The following CDH13 variants were observed in gnomAD, a reference collection of about 807,000 sequenced individuals.
CDH13 encodes cadherin-13.
CDH13 carries 24 observed loss-of-function variants against 63.8 expected under a neutral mutation model. The ratio of observed to expected loss-of-function variants is 0.38; its 90% CI spans 0.27 to 0.53. CDH13 has a LOEUF of 0.53. Among genes scored for constraint, CDH13 ranks in the 20% least tolerant of loss-of-function variants. The pLI, the probability that CDH13 is intolerant of heterozygous loss-of-function variation, is 0.85. For synonymous variants in CDH13, 503 were observed against 355.3 expected, an observed-to-expected ratio of 1.42 and a Z score of -4.67; for missense variants, 1,049 against 903.1, an observed-to-expected ratio of 1.16 and a Z score of -2.07.
At chr16:83,134,077 A>G (rs1475271615) in intron 4 of CDH13, among the ~76,000 whole-genome samples, 2 of 152,244 alleles carry the variant, frequency 1.3e-5, no homozygotes, top group African/African-American at 2.4e-5. Context: ...ATAGACCATT[A>G]TATGATCAGT....
At chr16:82,969,802 A>C (rs561687132) in intron 2 of CDH13, among the ~76,000 whole-genome samples, 2 of 152,152 alleles carry the variant, frequency 1.3e-5, no homozygotes, top group African/African-American at 4.8e-5. Context: ...CAGGTGAAGG[A>C]ATGGACTGCC....
intron 6 of CDH13, among the ~76,000 whole-genome samples, chr16:83,476,763 T>G (rs528681847): frequency 5.7e-4 from 87 of 152,304 alleles, no homozygotes; most frequent in African/African-American, 1.8e-3. Flanking sequence ...AAAAATATAT[T>G]GGAGAGTTAC....
chr16:82,951,448 C>A (rs1440779779), intron 2 of CDH13, among the ~76,000 whole-genome samples: 4 of 152,192 alleles, frequency 2.6e-5, no homozygotes, highest in African/African-American at 7.2e-5. Flanking sequence ...TAGGAAAGGA[C>A]TTTTCATCTC....
At chr16:82,889,005 T>A (rs1252959825) in intron 2 of CDH13, among the ~76,000 whole-genome samples, 1 of 152,154 alleles carries the variant, frequency 6.6e-6, no homozygotes, top group East Asian at 1.9e-4. Context: ...TTTGCCTTAT[T>A]TACTTCCCTG....
At chr16:82,660,620 G>C (rs1285778559) in intron 1 of CDH13, among the ~76,000 whole-genome samples, 2 of 152,126 alleles carry the variant, frequency 1.3e-5, no homozygotes, top group Non-Finnish European at 2.9e-5. Context: ...GCTTCCAGAA[G>C]GTTGAGTTAT....
intron 5 of CDH13, among the ~76,000 whole-genome samples, chr16:83,314,740 A>G (rs181467773): frequency 1.3e-5 from 2 of 152,364 alleles, no homozygotes; most frequent in East Asian, 1.9e-4. Flanking sequence ...TCATGGGTAC[A>G]TCATGCTGTA....
intron 3 of CDH13, among the ~76,000 whole-genome samples, chr16:83,113,154 G>C (rs1266295866): frequency 2.0e-5 from 3 of 152,280 alleles, no homozygotes; most frequent in South Asian, 4.1e-4. Context: ...TTTAACAAAA[G>C]GGAGAATTTT....
intron 5 of CDH13, among the ~76,000 whole-genome samples, chr16:83,262,551 C>T (rs1907119239): frequency 1.3e-5 from 2 of 152,264 alleles, no homozygotes; most frequent in Admixed American, 6.5e-5. Flanking sequence ...CATTAAAAGA[C>T]CTGGATTTTG....
chr16:83,166,811 G>A (rs576368528), intron 4 of CDH13, among the ~76,000 whole-genome samples: 15 of 152,264 alleles, frequency 9.9e-5, no homozygotes, highest in African/African-American at 3.6e-4. Context: ...AGAATGAGGT[G>A]TTCTTAGCAT....
Position 83,379,006 on chromosome 16 carries a change from T to C in CDH13, c.781+34000T>C, listed in dbSNP as rs111317099. Among the ~76,000 whole-genome samples, 198 of 149,026 alleles carry C rather than the reference T, an allele frequency of 1.3e-3. 2 individuals carry two copies. The highest frequency in any genetic ancestry group is 3.2e-3 in the African/African-American group (130 of 40,738). Reference sequence around the variant, plus strand: ...ACACATGCATCTATATATATATATATACACACACACACACACACACGTGTG... The same window carrying C: ...ACACATGCATCTATATATATATATACACACACACACACACACACACGTGTG... On this transcript the variant is annotated intron_variant, in intron 6 of 13. Transcript: ENST00000567109.
At chr16:83,042,073 G>T (rs539670742) in intron 3 of CDH13, among the ~76,000 whole-genome samples, 83 of 152,260 alleles carry the variant, frequency 5.5e-4, no homozygotes, top group African/African-American at 1.8e-3. Flanking sequence ...TGAATCCTCT[G>T]TTTGTTTTGG....
At chr16:82,981,091 T>C (rs1158231838) in intron 2 of CDH13, among the ~76,000 whole-genome samples, 2 of 152,134 alleles carry the variant, frequency 1.3e-5, no homozygotes, top group Non-Finnish European at 2.9e-5. Context: ...TTCTAGGTGG[T>C]TTCCAAAAGG....
chr16:82,755,762 G>A (rs2034590727), intron 1 of CDH13, among the ~76,000 whole-genome samples: 1 of 152,222 alleles, frequency 6.6e-6, no homozygotes, highest in Admixed American at 6.5e-5. Context: ...GTTGTGGCGG[G>A]ATTGACCACT....
chr16:82,817,546 G>A (rs1347471124), intron 1 of CDH13, among the ~76,000 whole-genome samples: 1 of 152,164 alleles, frequency 6.6e-6, no homozygotes, highest in Non-Finnish European at 1.5e-5. Flanking sequence ...GCTCACACCT[G>A]TAACTCCAGC....
At chr16:83,665,691 A>G (rs980393402) in intron 8 of CDH13, among the ~76,000 whole-genome samples, 4 of 152,198 alleles carry the variant, frequency 2.6e-5, no homozygotes, top group Non-Finnish European at 4.4e-5. Flanking sequence ...TATTCAGGTC[A>G]AACATGCAAC....
In CDH13 at chr16:83,025,881, G is replaced by C. The variant is rs146735023; in HGVS notation, c.158-6129G>C. Among the ~76,000 whole-genome samples the C allele has an allele frequency of 3.1e-3, 478 of 152,226 alleles. 1 individual carries two copies. Among genetic ancestry groups the C allele is most frequent in the African/African-American group, 0.011 (459 of 41,534 alleles). On this transcript the variant is annotated intron_variant, in intron 2 of 13. Coordinates refer to ENST00000567109, the MANE Select transcript of CDH13 (RefSeq NM_001257.5). ...CTGTCTGCATTAGATTAATCAGGGG[G>C]AGCTTTTAAGAGATACTAGTGCACA...
At chr16:83,369,530 C>T (rs913241274) in intron 6 of CDH13, among the ~76,000 whole-genome samples, 2 of 152,090 alleles carry the variant, frequency 1.3e-5, no homozygotes, top group East Asian at 3.9e-4. Flanking sequence ...GTCATCCTCC[C>T]ACCTCAGCCT....
intron 6 of CDH13, among the ~76,000 whole-genome samples, chr16:83,467,660 C>T (rs1265459428): frequency 1.3e-5 from 2 of 152,122 alleles, no homozygotes; most frequent in African/African-American, 4.8e-5. Flanking sequence ...TATTTGGACC[C>T]AATGCTGTTC....
At chr16:83,385,928 T>A (rs2091664561) in intron 6 of CDH13, among the ~76,000 whole-genome samples, 3 of 152,204 alleles carry the variant, frequency 2.0e-5, no homozygotes, top group South Asian at 4.1e-4. Flanking sequence ...GTTATCACAA[T>A]GTAGTTTATC....
Sources: allele counts gnomAD v4.1 joint callset (sites outside exome capture counted in the v4.1 genomes callset), GRCh38; gene constraint gnomAD v4.1.1; transcripts MANE v1.5; gene names NCBI Gene and HGNC (gene_info 2026-07-23, HGNC 2026-07-21).